RIMKLA: variants seen among roughly 807,000 people sequenced by gnomAD.
The protein encoded by RIMKLA is N-acetylaspartylglutamate synthase A.
In RIMKLA, 14 loss-of-function variants were observed where a neutral mutation model predicts 32.7. That is an observed-to-expected ratio of 0.43 (90% CI 0.28 to 0.67). RIMKLA has a LOEUF of 0.67. RIMKLA is among the 30% of genes least tolerant of loss of function. The pLI is 0.18. For synonymous variants in RIMKLA, 176 were observed against 204.1 expected, an observed-to-expected ratio of 0.86 and a Z score of 1.18; for missense variants, 410 against 519.0, an observed-to-expected ratio of 0.79 and a Z score of 2.04.
In RIMKLA at chr1:42,380,929, G is replaced by A. The variant is rs1421924415; in HGVS notation, c.-6G>A. On this transcript the variant is annotated 5_prime_UTR_variant, in exon 1 of 5. Transcript: ENST00000431473. ...GCGCCGCGCGGGGCGCACCGCCCTG[G>A]CCGCCATGTGCTCCCAGCTCTGGTT... is the stretch of plus-strand genomic sequence containing the variant. The A allele has an allele frequency of 1.3e-5, 18 of 1,405,582 alleles. No individual in the cohort carries two copies. In the South Asian group the frequency reaches 1.8e-4, roughly 14 times the overall value. 87.1% of individuals were successfully genotyped at this position (1,405,582 alleles called of 1,614,324 possible). A position where few individuals can be genotyped will look rare whatever the true frequency, so the allele number is the denominator to read the frequency against.
intron 2 of RIMKLA, among the ~76,000 whole-genome samples, chr1:42,403,002 C>T (rs550803606): frequency 2.7e-4 from 41 of 152,092 alleles, no homozygotes; most frequent in African/African-American, 9.4e-4. Context: ...AATTTGTTAC[C>T]GCAACAAGAG....
chr1:42,418,177 G>C lies in RIMKLA; in HGVS notation c.*3203G>C, dbSNP rs2148398753. On this transcript the variant is annotated 3_prime_UTR_variant, in exon 5 of 5. Coordinates refer to ENST00000431473, the MANE Select transcript of RIMKLA (RefSeq NM_173642.4). ...TTCCTTATGTAACATAGATTGCAGT[G>C]TCTGTATATGGTCTTCCCATTATCT... 6.6e-6 allele frequency: 1 copy of C among 152,360 alleles called. No homozygotes were observed. The highest frequency in any genetic ancestry group is 1.9e-4 in the East Asian group (1 of 5,186). The allele number at this position is 152,360 out of a possible 1,614,324, so 9.4% of individuals were successfully genotyped here.
At position 42,414,742 on chromosome 1, in the gene RIMKLA, C is replaced by G; in HGVS notation, c.944C>G (p.Pro315Arg). ...CAGACTGGAAAGATGGCTGTCCTCC[C>G]AGGACTGTCGAGTCCAAGGGAGAAG... ...NRQTGKMAVL[P>R]GLSSPREKNE... is the part of the protein sequence containing the mutation. The change falls in exon 5 of 5, where the codon CCA becomes CGA. Residue 315 changes from proline (P) to arginine (R), a missense_variant. Transcript: ENST00000431473. The G allele has an allele frequency of 6.2e-7, 1 of 1,614,206 alleles. No homozygotes were observed. Among genetic ancestry groups the G allele is most frequent in the East Asian group, 2.2e-5 (1 of 44,882 alleles).
chr1:42,382,668 C>T (rs1362945944), intron 1 of RIMKLA, among the ~76,000 whole-genome samples: 7 of 151,896 alleles, frequency 4.6e-5, no homozygotes, highest in African/African-American at 1.5e-4. Context: ...TTTGTAGAAC[C>T]GTCACAAATT....
At chr1:42,412,262 C>G (rs1643204660) in intron 4 of RIMKLA, 1 of 156,506 alleles carries the variant, frequency 6.4e-6, no homozygotes, top group Admixed American at 6.5e-5. Context: ...GAAGTCCTAG[C>G]TTTTTAGCAA....
chr1:42,416,660 C>T lies in RIMKLA; in HGVS notation c.*1686C>T, dbSNP rs1288144443. 1 of 152,240 alleles carries T rather than the reference C, an allele frequency of 6.6e-6. No individual in the cohort carries two copies. Among genetic ancestry groups the T allele is most frequent in the Non-Finnish European group, 1.5e-5 (1 of 68,048 alleles). The allele number at this position is 152,240 out of a possible 1,614,324, so 9.4% of individuals were successfully genotyped here. ...AACATACATCTTCCCAAGGTGACTA[C>T]TTCAAAGGCAACACTACCCATTCGG... is the stretch of plus-strand genomic sequence containing the variant. On this transcript the variant is annotated 3_prime_UTR_variant, in exon 5 of 5. Coordinates refer to ENST00000431473, the MANE Select transcript of RIMKLA (RefSeq NM_173642.4).
At chr1:42,406,925 CTTT>C (rs571576114) in intron 3 of RIMKLA, among the ~76,000 whole-genome samples, 1 of 142,966 alleles carries the variant, frequency 7.0e-6, no homozygotes, top group Admixed American at 7.0e-5. Context: ...AATGTAGATT[CTTT>C]TTTTTTTTTG....
chr1:42,411,501 C>T (rs1022761851), intron 4 of RIMKLA, among the ~76,000 whole-genome samples: 1 of 150,374 alleles, frequency 6.7e-6, no homozygotes, highest in African/African-American at 2.4e-5. Context: ...TGCTCTGTTG[C>T]ACAGGCCAGA....
chr1:42,410,335 G>A, intron 4 of RIMKLA, 148 bp downstream of exon 4: 1 of 693,302 alleles, frequency 1.4e-6, no homozygotes, highest in Non-Finnish European at 2.4e-6. Context: ...ATGGCAGCAA[G>A]CAATCCTGGA....
intron 3 of RIMKLA, among the ~76,000 whole-genome samples, chr1:42,407,389 G>C (rs1176146502): frequency 6.6e-6 from 1 of 151,442 alleles, no homozygotes; most frequent in African/African-American, 2.4e-5. Context: ...ATGTCATTTT[G>C]TGCTTGCCTA....
At chr1:42,402,849 C>T (rs1643112389) in intron 2 of RIMKLA, among the ~76,000 whole-genome samples, 1 of 152,144 alleles carries the variant, frequency 6.6e-6, no homozygotes, top group Admixed American at 6.5e-5. Flanking sequence ...CCTCGGCGCC[C>T]ACGAAGTGCT....
chr1:42,385,714 CTTCTCTTTCT>C (rs1458915184), intron 1 of RIMKLA, among the ~76,000 whole-genome samples: 11 of 140,752 alleles, frequency 7.8e-5, no homozygotes, highest in Admixed American at 5.7e-4. Context: ...TTTTTCTTTC[CTTCTCTTTCT>C]TTCTTTCTTT....
chr1:42,411,349 A>AAG (rs1553177344), intron 4 of RIMKLA, among the ~76,000 whole-genome samples: 5 of 151,680 alleles, frequency 3.3e-5, no homozygotes, highest in African/African-American at 7.3e-5. Context: ...AAAAAAAAAA[A>AAG]AGAGAGATAA....
rs1033178849 is a variant in RIMKLA at position 42,421,792 on chromosome 1, C to A, written c.*6818C>A. On this transcript the variant is annotated 3_prime_UTR_variant, in exon 5 of 5. Transcript: ENST00000431473. The surrounding 1 kb of genome is among the most constrained non-coding windows in gnomAD (Gnocchi z 4.6). Reference sequence around the variant, plus strand: ...CAGTGACCATTAGAGATTATATTAACCTGCAATTAAATAAAGTATGTTAAA... The same window carrying A: ...CAGTGACCATTAGAGATTATATTAAACTGCAATTAAATAAAGTATGTTAAA... 1 of 152,182 alleles carries A rather than the reference C, an allele frequency of 6.6e-6. No individual in the cohort carries two copies. The highest frequency in any genetic ancestry group is 2.1e-4 in the South Asian group (1 of 4,826). 9.4% of individuals were successfully genotyped at this position (152,182 alleles called of 1,614,324 possible).
At chr1:42,395,823 G>A (rs578117472) in intron 1 of RIMKLA, among the ~76,000 whole-genome samples, 1 of 152,202 alleles carries the variant, frequency 6.6e-6, no homozygotes, top group Non-Finnish European at 1.5e-5. Context: ...GGCCATGGCT[G>A]TGTATAACTG....
intron 3 of RIMKLA, among the ~76,000 whole-genome samples, chr1:42,408,962 C>T (rs564086420): frequency 6.6e-5 from 10 of 152,008 alleles, no homozygotes; most frequent in Non-Finnish European, 1.3e-4. Flanking sequence ...AATCCCAGCA[C>T]TTTGGGAGGC....
rs191382870 is a variant in RIMKLA at position 42,388,372 on chromosome 1, T to G, written c.163+7275T>G. ...AGCACACACCACCACACCCAGCTAA[T>G]TTTTGTATTTTTGGTAAAGACAGGG... On this transcript the variant is annotated intron_variant, in intron 1 of 4. Transcript: ENST00000431473. Among the ~76,000 whole-genome samples, 265 of 152,146 alleles carry G rather than the reference T, an allele frequency of 1.7e-3. 2 individuals carry two copies. The highest frequency in any genetic ancestry group is 3.9e-3 in the African/African-American group (161 of 41,496).
At chr1:42,408,085 A>G (rs1393889722) in intron 3 of RIMKLA, among the ~76,000 whole-genome samples, 3 of 152,126 alleles carry the variant, frequency 2.0e-5, no homozygotes, top group African/African-American at 7.2e-5. Flanking sequence ...AGATCTCCAG[A>G]TCTCCTGGCA....
Position 42,380,967 on chromosome 1 carries a change from G to C in RIMKLA, c.33G>C (p.Arg11=). 1 of 1,451,252 alleles carries C rather than the reference G, an allele frequency of 6.9e-7. No homozygotes were observed. Among genetic ancestry groups the C allele is most frequent in the Non-Finnish European group, 9.1e-7 (1 of 1,102,402 alleles). The allele number at this position is 1,451,252 out of a possible 1,614,324, so 89.9% of individuals were successfully genotyped here. ...CCCAGCTCTGGTTCCTGACGGACCG[G>C]CGCATCCGCGAGGACTACCCGCAGG... is the stretch of plus-strand genomic sequence containing the variant. MCSQLWFLTD[R]RIREDYPQVQ... is the part of the protein sequence containing the mutation. Residue 11 remains arginine, a synonymous_variant, in exon 1 of 5, where the codon CGG becomes CGC. Coordinates refer to ENST00000431473, the MANE Select transcript of RIMKLA (RefSeq NM_173642.4).
Sources: gnomAD v4.1 joint callset for allele counts (sites outside exome capture counted in the v4.1 genomes callset) on GRCh38, gnomAD v4.1.1 for gene constraint, Gnocchi (gnomAD v3.1) non-coding constraint, MANE v1.5 for transcripts, NCBI Gene and HGNC (gene_info 2026-07-23, HGNC 2026-07-21) for gene names.